Variants in STAU2 observed in about 807,000 individuals in gnomAD.
STAU2 encodes double-stranded RNA-binding protein Staufen homolog 2.
STAU2 carries 20 observed loss-of-function variants against 65.9 expected under a neutral mutation model. That is an observed-to-expected ratio of 0.30 (90% CI 0.21 to 0.44). The LOEUF (loss-of-function observed/expected upper bound fraction) is 0.44. Ranked by LOEUF, STAU2 falls within the 20% of genes least tolerant of loss-of-function variation. STAU2 has a pLI of 1.00. For synonymous variants in STAU2, 232 were observed against 233.9 expected (o/e 0.99, Z 0.07); for missense variants, 558 against 683.9 (o/e 0.82, Z 2.05).
chr8:73,686,474 C>T (rs564975666), intron 5 of STAU2, among the ~76,000 whole-genome samples: 5 of 151,010 alleles, frequency 3.3e-5, no homozygotes, highest in East Asian at 3.9e-4. Context: ...TGCTTGAACC[C>T]GGGAGGCAGA....
At chr8:73,478,335 A>T (rs905421701) in intron 13 of STAU2, among the ~76,000 whole-genome samples, 2 of 151,974 alleles carry the variant, frequency 1.3e-5, no homozygotes, top group South Asian at 4.1e-4. Context: ...AAATCGAAAA[A>T]AAAATATCTC....
At chr8:73,439,325 G>C (rs1817949289) in intron 13 of STAU2, 2 of 300,202 alleles carry the variant, frequency 6.7e-6, no homozygotes, top group South Asian at 5.9e-5. Context: ...TGGTTAAGAG[G>C]CTAAGATTTG....
At chr8:73,597,669 CAAAAAAAAAAA>C (rs34461371) in intron 10 of STAU2, among the ~76,000 whole-genome samples, 1 of 55,862 alleles carries the variant, frequency 1.8e-5, no homozygotes, top group Admixed American at 3.0e-4. Context: ...GTCTCTGTCT[CAAAAAAAAAAA>C]AAAAAAAAAA....
intron 4 of STAU2, among the ~76,000 whole-genome samples, chr8:73,705,689 G>A (rs1255808227): frequency 6.6e-6 from 1 of 152,004 alleles, no homozygotes; most frequent in Non-Finnish European, 1.5e-5. Flanking sequence ...ATTAAAAACT[G>A]AGCAGAAAAA....
chr8:73,655,071 A>T (rs1816248952), intron 6 of STAU2, among the ~76,000 whole-genome samples: 1 of 152,230 alleles, frequency 6.6e-6, no homozygotes, highest in Non-Finnish European at 1.5e-5. Context: ...TGCAATAGCC[A>T]TCTCTAACTT....
intron 6 of STAU2, among the ~76,000 whole-genome samples, chr8:73,646,649 G>A (rs1815393971): frequency 6.6e-6 from 1 of 151,942 alleles, no homozygotes. Context: ...ACACCTTTGG[G>A]GATCTAGATT....
intron 11 of STAU2, among the ~76,000 whole-genome samples, chr8:73,587,310 T>C (rs1810448684): frequency 6.6e-6 from 1 of 152,328 alleles, no homozygotes; most frequent in East Asian, 1.9e-4. Flanking sequence ...CCATGTATCC[T>C]TCACAGGGAA....
chr8:73,488,548 G>A (rs1296113338), intron 13 of STAU2, among the ~76,000 whole-genome samples: 1 of 151,888 alleles, frequency 6.6e-6, no homozygotes, highest in African/African-American at 2.4e-5. Flanking sequence ...GAGGAAAAGG[G>A]CAATTAAAGA....
At chr8:73,680,294 CT>C (rs1443832905) in intron 5 of STAU2, among the ~76,000 whole-genome samples, 1 of 151,976 alleles carries the variant, frequency 6.6e-6, no homozygotes, top group East Asian at 1.9e-4. Flanking sequence ...AGGGCAAATG[CT>C]TTTTCTGCAG....
chr8:73,693,405 G>C (rs1167185989), intron 4 of STAU2, among the ~76,000 whole-genome samples: 2 of 151,392 alleles, frequency 1.3e-5, no homozygotes, highest in Non-Finnish European at 2.9e-5. Context: ...AACCCGGGAG[G>C]TGGAGCTTGC....
intron 12 of STAU2, among the ~76,000 whole-genome samples, chr8:73,569,267 G>A (rs890815785): frequency 2.6e-5 from 4 of 152,058 alleles, no homozygotes; most frequent in East Asian, 1.9e-4. Context: ...GGGGAGGGCC[G>A]TCCGCCATTG....
intron 13 of STAU2, among the ~76,000 whole-genome samples, chr8:73,538,733 C>A (rs1023641774): frequency 2.7e-5 from 4 of 149,714 alleles, no homozygotes; most frequent in African/African-American, 2.5e-5. Context: ...TAATGGGGAC[C>A]AAGAAACTTA....
At chr8:73,520,130 G>T (rs1822964158) in intron 13 of STAU2, among the ~76,000 whole-genome samples, 1 of 152,204 alleles carries the variant, frequency 6.6e-6, no homozygotes, top group South Asian at 2.1e-4. Flanking sequence ...AGAGCATAAA[G>T]CGTGGGTATA....
chr8:73,674,994 C>T lies in STAU2; in HGVS notation c.275-1752G>A, dbSNP rs1337660171. Among the ~76,000 whole-genome samples, 4 of 151,812 alleles carry T rather than the reference C, an allele frequency of 2.6e-5. No homozygotes were observed. In the East Asian group the frequency reaches 7.7e-4, roughly 29 times the overall value. ...CATAACCCAACAACTGCAAAATGCACATTGTATTCATCAACACATGGAACA... is the reference window on the plus strand; with the variant it reads ...CATAACCCAACAACTGCAAAATGCATATTGTATTCATCAACACATGGAACA... On this transcript the variant is annotated intron_variant, in intron 5 of 14. Transcript: ENST00000524300.
intron 12 of STAU2, among the ~76,000 whole-genome samples, chr8:73,554,461 G>A (rs768919678): frequency 2.4e-4 from 36 of 152,366 alleles, no homozygotes; most frequent in East Asian, 5.8e-4. Flanking sequence ...CATTGGATGC[G>A]TGGTATACAT....
At chr8:73,639,728 T>C (rs959524724) in intron 6 of STAU2, among the ~76,000 whole-genome samples, 16 of 152,160 alleles carry the variant, frequency 1.1e-4, no homozygotes, top group Admixed American at 3.3e-4. Context: ...ATAATTCCAT[T>C]ATCCTTGTTC....
intron 13 of STAU2, among the ~76,000 whole-genome samples, chr8:73,515,661 T>C (rs1822661528): frequency 1.3e-5 from 2 of 151,364 alleles, no homozygotes; most frequent in Admixed American, 1.3e-4. Context: ...AAACAAATAG[T>C]AAGGAAATTC....
At chr8:73,645,335 G>A (rs1815290096) in intron 6 of STAU2, among the ~76,000 whole-genome samples, 1 of 152,096 alleles carries the variant, frequency 6.6e-6, no homozygotes, top group Non-Finnish European at 1.5e-5. Context: ...GGTCAAAAAT[G>A]AGAAATCATA....
intron 3 of STAU2, among the ~76,000 whole-genome samples, chr8:73,736,071 C>G (rs1716901211): frequency 6.6e-6 from 1 of 152,186 alleles, no homozygotes; most frequent in Non-Finnish European, 1.5e-5. Flanking sequence ...CAGGACAGCA[C>G]TACGATTTCT....
Sources: gnomAD v4.1 joint callset for allele counts (sites outside exome capture counted in the v4.1 genomes callset) on GRCh38, gnomAD v4.1.1 for gene constraint, MANE v1.5 for transcripts, NCBI Gene and HGNC (gene_info 2026-07-23, HGNC 2026-07-21) for gene names.